Variants in SLC8A1 observed in about 807,000 individuals in gnomAD.
SLC8A1 encodes the protein solute carrier family 8 member A1, also known as sodium/calcium exchanger 1.
SLC8A1 carries 18 observed loss-of-function variants against 68.3 expected under a neutral mutation model. The ratio of observed to expected loss-of-function variants is 0.26; its 90% confidence interval spans 0.18 to 0.39. The LOEUF (loss-of-function observed/expected upper bound fraction) is 0.39. Among genes scored for constraint, SLC8A1 ranks in the 10% least tolerant of loss-of-function variants. The probability of loss-of-function intolerance (pLI) is 1.00; values close to 1 mark genes in which losing one functional copy is unlikely to be tolerated. For synonymous variants in SLC8A1, 475 were observed against 415.5 expected (o/e 1.14, Z -1.74); for missense variants, 985 against 1,156.7 (o/e 0.85, Z 2.15).
intron 1 of SLC8A1, among the ~76,000 whole-genome samples, 167 bp downstream of exon 1, chr2:40,451,737 T>TCACACACACACACACACACACA (rs756970142): frequency 2.7e-4 from 36 of 133,740 alleles, no homozygotes; most frequent in African/African-American, 6.4e-4. Flanking sequence ...ACACACCACA[T>TCACACACACACACACACACACA]CACACACACA....
rs77160422 is a variant in SLC8A1 at position 40,219,065 on chromosome 2, A to G, written c.1809-41210T>C. 4.7e-4 allele frequency among the ~76,000 whole-genome samples: 23 copies of G among 49,016 alleles called. No individual in the cohort carries two copies. In the East Asian group the frequency reaches 6.8e-3, roughly 15 times the overall value. 32.2% of individuals were successfully genotyped at this position (49,016 alleles called of 152,430 possible). A position where few individuals can be genotyped will look rare whatever the true frequency, so the allele number is the denominator to read the frequency against. ...TCTGATATAATCTCCATAATCATAAAGATCTTTGTTGGAGAAGTTAAGCAG... is the reference window on the plus strand; with the variant it reads ...TCTGATATAATCTCCATAATCATAAGGATCTTTGTTGGAGAAGTTAAGCAG... On this transcript the variant is annotated intron_variant, in intron 2 of 7. Transcript: ENST00000406785.
intron 1 of SLC8A1, among the ~76,000 whole-genome samples, chr2:40,506,462 T>A (rs1414535630): frequency 6.6e-6 from 1 of 151,998 alleles, no homozygotes. Context: ...AATTCATAAA[T>A]GTTATGTAAA....
At chr2:40,287,534 G>A (rs2068512179) in intron 2 of SLC8A1, among the ~76,000 whole-genome samples, 2 of 150,690 alleles carry the variant, frequency 1.3e-5, no homozygotes, top group South Asian at 2.1e-4. Context: ...GCTCCCTGCA[G>A]AAGGCAATCC....
chr2:40,324,106 C>A (rs1210949112), intron 2 of SLC8A1, among the ~76,000 whole-genome samples: 1 of 151,714 alleles, frequency 6.6e-6, no homozygotes, highest in Non-Finnish European at 1.5e-5. Context: ...AGTCACCCTA[C>A]TTATAAATAA....
intron 1 of SLC8A1, among the ~76,000 whole-genome samples, chr2:40,473,636 T>C (rs928680208): frequency 2.0e-5 from 3 of 152,356 alleles, no homozygotes; most frequent in African/African-American, 7.2e-5. Context: ...TTGTTCAGAA[T>C]ATGAAATGGG....
chr2:40,478,195 G>C (rs1704408015), intron 1 of SLC8A1, among the ~76,000 whole-genome samples: 1 of 151,434 alleles, frequency 6.6e-6, no homozygotes, highest in African/African-American at 2.4e-5. Context: ...TTTCCTGATT[G>C]ATATCTCCAC....
chr2:40,330,965 T>G (rs2076347227), intron 2 of SLC8A1, among the ~76,000 whole-genome samples: 1 of 152,172 alleles, frequency 6.6e-6, no homozygotes, highest in African/African-American at 2.4e-5. Flanking sequence ...AATAAAAACG[T>G]CTCAAAAGAC....
At chr2:40,499,515 A>C (rs1705916423) in intron 1 of SLC8A1, among the ~76,000 whole-genome samples, 2 of 152,080 alleles carry the variant, frequency 1.3e-5, no homozygotes. Flanking sequence ...AGAATTAGAG[A>C]GATATTCTTC....
At chr2:40,170,343 G>A in intron 4 of SLC8A1, 1 of 1,614,026 alleles carries the variant, frequency 6.2e-7, no homozygotes, top group Non-Finnish European at 8.5e-7. Flanking sequence ...CCTGAAGACA[G>A]GTTGGCCTAG....
chr2:40,463,732 G>C (rs113770295), intron 1 of SLC8A1, among the ~76,000 whole-genome samples: 1 of 151,656 alleles, frequency 6.6e-6, no homozygotes, highest in Admixed American at 6.6e-5. Context: ...GTGGAATCTT[G>C]TTCTTTTTTT....
chr2:40,175,522 G>A (rs2048327018), intron 3 of SLC8A1, among the ~76,000 whole-genome samples: 1 of 151,910 alleles, frequency 6.6e-6, no homozygotes, highest in South Asian at 2.1e-4. Context: ...GTGTGTGTGT[G>A]TATATGTATT....
intron 1 of SLC8A1, among the ~76,000 whole-genome samples, chr2:40,510,235 A>G (rs903514268): frequency 6.6e-6 from 1 of 152,212 alleles, no homozygotes; most frequent in Non-Finnish European, 1.5e-5. Flanking sequence ...AGTCATCACT[A>G]AATGCTTAAG....
intron 7 of SLC8A1, among the ~76,000 whole-genome samples, chr2:40,122,042 C>G (rs920711351): frequency 5.3e-5 from 8 of 152,046 alleles, no homozygotes; most frequent in Non-Finnish European, 2.9e-5. Flanking sequence ...ATACCCTCAT[C>G]TGTCTTGCTC....
chr2:40,489,210 A>C (rs1705165402), intron 1 of SLC8A1, among the ~76,000 whole-genome samples: 3 of 152,126 alleles, frequency 2.0e-5, no homozygotes, highest in African/African-American at 7.2e-5. Context: ...AGCAATTTAT[A>C]AGAGAAACAT....
chr2:40,134,721 T>C (rs1398397114), intron 7 of SLC8A1, among the ~76,000 whole-genome samples: 1 of 152,204 alleles, frequency 6.6e-6, no homozygotes, highest in Non-Finnish European at 1.5e-5. Flanking sequence ...AACCAACTTG[T>C]ACTAATGTGT....
At chr2:40,360,805 G>T (rs1305964369) in intron 2 of SLC8A1, among the ~76,000 whole-genome samples, 3 of 152,132 alleles carry the variant, frequency 2.0e-5, no homozygotes, top group African/African-American at 4.8e-5. Context: ...TAGCATTAGG[G>T]CAAGGTCTGC....
At chr2:40,484,803 G>A (rs973546556) in intron 1 of SLC8A1, among the ~76,000 whole-genome samples, 1 of 152,180 alleles carries the variant, frequency 6.6e-6, no homozygotes, top group Non-Finnish European at 1.5e-5. Context: ...TAACACAGAG[G>A]AGCTGGTGGA....
chr2:40,427,028 A>G (rs1697047854), intron 2 of SLC8A1, among the ~76,000 whole-genome samples: 1 of 152,082 alleles, frequency 6.6e-6, no homozygotes, highest in Non-Finnish European at 1.5e-5. Context: ...GTATCCCAAC[A>G]AAACACATCT....
intron 2 of SLC8A1, among the ~76,000 whole-genome samples, chr2:40,221,217 G>A (rs1034796339): frequency 1.3e-5 from 2 of 152,012 alleles, no homozygotes; most frequent in Non-Finnish European, 2.9e-5. Flanking sequence ...GGATGCAAGG[G>A]TGGTTCAACA....
Sources: allele counts gnomAD v4.1 joint callset (sites outside exome capture counted in the v4.1 genomes callset), GRCh38; gene constraint gnomAD v4.1.1; transcripts MANE v1.5; gene names NCBI Gene and HGNC (gene_info 2026-07-23, HGNC 2026-07-21).